Variants in ZGRF1 observed in about 807,000 individuals in gnomAD.
The protein encoded by ZGRF1 is zinc finger GRF-type containing 1.
ZGRF1 carries 196 observed loss-of-function variants against 203.5 expected under a neutral mutation model. The observed-to-expected ratio is 0.96, with a 90% confidence interval of 0.86 to 1.08. The LOEUF is 1.08. Ranked by LOEUF, ZGRF1 falls within the 50% of genes least tolerant of loss-of-function variation. The pLI is 0.00. For synonymous variants in ZGRF1, 809 were observed against 841.3 expected (o/e 0.96, Z 0.66); for missense variants, 2,326 against 2,416.3 (o/e 0.96, Z 0.78).
chr4:112,570,914 C>G (rs1275963587), intron 16 of ZGRF1, among the ~76,000 whole-genome samples: 1 of 152,030 alleles, frequency 6.6e-6, no homozygotes, highest in Non-Finnish European at 1.5e-5. Flanking sequence ...ACCAACCTGG[C>G]CACCATGGTG....
At chr4:112,604,186 T>G (rs530632051) in intron 9 of ZGRF1, among the ~76,000 whole-genome samples, 22 of 151,192 alleles carry the variant, frequency 1.5e-4, no homozygotes, top group Non-Finnish European at 2.5e-4. Flanking sequence ...ATCACGCCAC[T>G]GCACTCCAGC....
chr4:112,584,186 G>T lies in ZGRF1; in HGVS notation c.4102-12C>A. 1 of 1,529,930 alleles carries T rather than the reference G, an allele frequency of 6.5e-7. No individual in the cohort carries two copies. The highest frequency in any genetic ancestry group is 1.3e-5 in the South Asian group (1 of 79,976). 94.8% of individuals were successfully genotyped at this position (1,529,930 alleles called of 1,614,324 possible). A position where few individuals can be genotyped will look rare whatever the true frequency, so the allele number is the denominator to read the frequency against. ...TAAAAGAGACGACCCTAAGGGGAAA[G>T]AAAAAAGATCAACATTTAGTGAAAA... On this transcript the variant is annotated splice_polypyrimidine_tract_variant and intron_variant, in intron 14 of 27. Coordinates refer to ENST00000505019, the MANE Select transcript of ZGRF1 (RefSeq NM_018392.5).
chr4:112,582,110 G>C (rs930366860), intron 15 of ZGRF1, among the ~76,000 whole-genome samples: 11 of 152,170 alleles, frequency 7.2e-5, no homozygotes, highest in African/African-American at 1.9e-4. Context: ...GGGAGTACAT[G>C]TGATATCCTG....
At chr4:112,565,109 G>C (rs890837923) in intron 16 of ZGRF1, 1 of 1,385,088 alleles carries the variant, frequency 7.2e-7, no homozygotes, top group Admixed American at 1.7e-5. Context: ...AAACCTCATC[G>C]TTACAGGCCT....
intron 16 of ZGRF1, among the ~76,000 whole-genome samples, chr4:112,572,840 A>T (rs1744432206): frequency 6.6e-6 from 1 of 152,210 alleles, no homozygotes; most frequent in Non-Finnish European, 1.5e-5. Flanking sequence ...TGCAAATCAA[A>T]ACCACAAGGC....
chr4:112,564,934 C>T, intron 16 of ZGRF1: 1 of 755,810 alleles, frequency 1.3e-6, no homozygotes, highest in East Asian at 2.5e-5. Flanking sequence ...CCGCCTGTCG[C>T]TGACCAAGCT....
At chr4:112,544,114 T>C (rs1422963713) in intron 24 of ZGRF1, among the ~76,000 whole-genome samples, 2 of 152,144 alleles carry the variant, frequency 1.3e-5, no homozygotes, top group Non-Finnish European at 2.9e-5. Context: ...TTAAATTCAA[T>C]TACAATTAAC....
chr4:112,541,279 TA>T lies in ZGRF1; in HGVS notation c.5599-12del. 1 of 1,472,386 alleles carries T rather than the reference TA, an allele frequency of 6.8e-7. No homozygotes were observed. The highest frequency in any genetic ancestry group is 2.1e-5 in the Admixed American group (1 of 46,544). The allele number at this position is 1,472,386 out of a possible 1,614,324, so 91.2% of individuals were successfully genotyped here. ...AATTGGCTTGTGACCCTAAGAAATT[TA>T]AATGAAGAAAAATAAAACATAATTT... On this transcript the variant is annotated splice_polypyrimidine_tract_variant and intron_variant, in intron 24 of 27. Transcript: ENST00000505019.
intron 4 of ZGRF1, 124 bp downstream of exon 4, chr4:112,623,693 G>T: frequency 1.6e-6 from 1 of 612,374 alleles, no homozygotes; most frequent in East Asian, 3.0e-5. Flanking sequence ...ACAAAGTCTA[G>T]CTATAATGTT....
Position 112,587,662 on chromosome 4 carries a change from G to T in ZGRF1, c.3395C>A (p.Pro1132Gln). 6.2e-7 allele frequency: 1 copy of T among 1,613,550 alleles called. No individual in the cohort carries two copies. Among genetic ancestry groups the T allele is most frequent in the Non-Finnish European group, 8.5e-7 (1 of 1,179,748 alleles). The part of the protein sequence containing the change: ...FFSEESREVN[P>Q]GDVSLNNIST... Reference sequence around the variant, plus strand: ...TATATTATTAAGTGAAACATCCCCTGGATTCACTTCCCTAGATTCTTCAGA... The same window carrying T: ...TATATTATTAAGTGAAACATCCCCTTGATTCACTTCCCTAGATTCTTCAGA... Residue 1132 changes from proline to glutamine, a missense_variant, in exon 12 of 28, where the codon CCA (proline) becomes CAA (glutamine). By Grantham distance (76) the Pro-to-Gln change is moderately conservative. Transcript: ENST00000505019.
intron 10 of ZGRF1, among the ~76,000 whole-genome samples, chr4:112,595,078 C>A (rs1284577088): frequency 6.6e-6 from 1 of 151,968 alleles, no homozygotes; most frequent in African/African-American, 2.4e-5. Flanking sequence ...CCCATCTCTA[C>A]TAAAAATATA....
intron 24 of ZGRF1, among the ~76,000 whole-genome samples, chr4:112,542,730 C>T (rs1173229523): frequency 6.6e-6 from 1 of 152,088 alleles, no homozygotes; most frequent in Non-Finnish European, 1.5e-5. Flanking sequence ...CCTGACACCC[C>T]ACCCAACTTT....
chr4:112,583,486 T>C (rs1386744260), intron 15 of ZGRF1, among the ~76,000 whole-genome samples: 1 of 152,190 alleles, frequency 6.6e-6, no homozygotes, highest in East Asian at 1.9e-4. Context: ...TGTTTGATGT[T>C]TAGAGGGAGC....
At position 112,587,289 on chromosome 4, in the gene ZGRF1, C is replaced by A; in HGVS notation, c.3768G>T (p.Lys1256Asn). 1 of 1,607,224 alleles carries A rather than the reference C, an allele frequency of 6.2e-7. No individual in the cohort carries two copies. Among genetic ancestry groups the A allele is most frequent in the Middle Eastern group, 2.0e-4 (1 of 5,060 alleles). The change falls in exon 12 of 28, where the codon AAG becomes AAT. Residue 1256 changes from lysine (K) to asparagine (N), a missense_variant. Physicochemically the swap from Lys to Asn is moderately conservative, Grantham distance 94. Coordinates refer to ENST00000505019, the MANE Select transcript of ZGRF1 (RefSeq NM_018392.5). ...GGSTCYNYSV[K>N]DLQEISGSEL... ...CGGTACATTTCCTCACCTGTAAATC[C>A]TTTACACTGTAGTTGTAGCAGGTAG...
In ZGRF1 at chr4:112,618,314, A is replaced by G. The variant is rs773642814; in HGVS notation, c.1728T>C (p.Ser576=). The G allele has an allele frequency of 1.2e-6, 2 of 1,613,934 alleles. No homozygotes were observed. The highest frequency in any genetic ancestry group is 1.7e-5 in the Admixed American group (1 of 60,006). ...CAATCTCTTCACAGTTTGTATTCTC[A>G]GACCTCTTTTGAAAACATGAATTGC... ...NDGNSCFQKR[S]ENTNCEEIEG... Residue 576 remains serine (S), a synonymous_variant, in exon 6 of 28, where the codon TCT becomes TCC. Coordinates refer to ENST00000505019, the MANE Select transcript of ZGRF1 (RefSeq NM_018392.5).
chr4:112,618,697 T>G lies in ZGRF1; in HGVS notation c.1345A>C (p.Ile449Leu). Residue 449 changes from isoleucine (I) to leucine (L), a missense_variant, in exon 6 of 28, where the codon ATT (isoleucine) becomes CTT (leucine). Ile to Leu is a conservative substitution (Grantham distance 5). Coordinates refer to ENST00000505019, the MANE Select transcript of ZGRF1 (RefSeq NM_018392.5). ...IPFNQNDKGC[I>L]KGSVLIKENA... ...TCTTTAATGAGAACTGATCCTTTAA[T>G]GCACCCCTTGTCATTTTGATTAAAA... 1 of 1,612,170 alleles carries G rather than the reference T, an allele frequency of 6.2e-7. No homozygotes were observed. Among genetic ancestry groups the G allele is most frequent in the Non-Finnish European group, 8.5e-7 (1 of 1,179,504 alleles).
chr4:112,600,921 C>T (rs1749852323), intron 10 of ZGRF1, among the ~76,000 whole-genome samples: 2 of 152,166 alleles, frequency 1.3e-5, no homozygotes, highest in Middle Eastern at 3.4e-3. Flanking sequence ...TCCATGATCG[C>T]GATGGCCACC....
rs912774204 is a variant in ZGRF1, at chr4:112,563,028, C to T, written c.4582+103G>A. The T allele has an allele frequency of 3.0e-5, 27 of 888,550 alleles. No individual in the cohort carries two copies. In the East Asian group the frequency reaches 4.3e-4, roughly 14 times the overall value. 55.0% of individuals were successfully genotyped at this position (888,550 alleles called of 1,614,324 possible). The stretch of plus-strand genomic sequence containing the variant: ...TCAGGAACTCACTGTACACAACAGT[C>T]GAAACTAGAGTTGGGTCCTTTTTGT... On this transcript the variant is annotated intron_variant, in intron 17 of 27. Transcript: ENST00000505019.
At position 112,548,267 on chromosome 4, in the gene ZGRF1, G is replaced by C; in HGVS notation, c.5460C>G (p.Leu1820=). The change falls in exon 23 of 28, where the codon CTC becomes CTG. Residue 1820 remains leucine (L), a synonymous_variant. Transcript: ENST00000505019. The part of the protein sequence containing the change: ...ECSQITEPAS[L]LPIARFECEK... Reference sequence around the variant, plus strand: ...TTTTAGGTTACCTTGCAATGGGAAGGAGAGAGGCCGGTTCAGTTATCTGAC... The same window carrying C: ...TTTTAGGTTACCTTGCAATGGGAAGCAGAGAGGCCGGTTCAGTTATCTGAC... 1 of 1,552,204 alleles carries C rather than the reference G, an allele frequency of 6.4e-7. No homozygotes were observed. The highest frequency in any genetic ancestry group is 1.2e-5 in the South Asian group (1 of 84,046).
Sources: gnomAD v4.1 joint callset for allele counts (sites outside exome capture counted in the v4.1 genomes callset) on GRCh38, gnomAD v4.1.1 for gene constraint, MANE v1.5 for transcripts, NCBI Gene and HGNC (gene_info 2026-07-23, HGNC 2026-07-21) for gene names.